Variants in XIRP2 observed in about 807,000 individuals in gnomAD.
The protein encoded by XIRP2 is xin actin binding repeat containing 2.
Under a neutral mutation model 277.0 loss-of-function variants are expected in XIRP2, and 236 were observed. The observed-to-expected ratio is 0.85, with a 90% CI of 0.77 to 0.95. The LOEUF (loss-of-function observed/expected upper bound fraction) is 0.95, where lower values mean the gene tolerates loss of function less well. XIRP2 is among the 40% of genes least tolerant of loss of function. The pLI, the probability that XIRP2 is intolerant of heterozygous loss-of-function variation, is 0.00. For missense variants in XIRP2, 4,640 were observed against 4,157.5 expected (o/e 1.12, Z -3.19); for synonymous variants, 1,490 against 1,416.5 (o/e 1.05, Z -1.17).
chr2:166,927,577 A>T (rs987164471), intron 2 of XIRP2, among the ~76,000 whole-genome samples: 2 of 152,144 alleles, frequency 1.3e-5, no homozygotes, highest in East Asian at 1.9e-4. Flanking sequence ...CTCACATAAC[A>T]TGACTCTGAC....
intron 2 of XIRP2, among the ~76,000 whole-genome samples, chr2:167,091,174 T>A (rs1690137063): frequency 6.6e-6 from 1 of 152,124 alleles, no homozygotes. Flanking sequence ...TGTTCCCAAG[T>A]GTCATCTTCC....
rs10193637 is a variant in XIRP2 at position 167,096,158 on chromosome 2, G to A, written c.409-39751G>A. Among the ~76,000 whole-genome samples, 150 of 151,834 alleles carry A rather than the reference G, an allele frequency of 9.9e-4. 1 individual carries two copies. Among genetic ancestry groups the A allele is most frequent in the African/African-American group, 3.4e-3 (139 of 41,436 alleles). On this transcript the variant is annotated intron_variant, in intron 2 of 10. Coordinates refer to ENST00000409195, the MANE Select transcript of XIRP2 (RefSeq NM_152381.6). ...CTCTTTGTACCTCTGGTATAATTTC[G>A]CTGTGAATCTATCTAGTCCTGGGCT...
In XIRP2 at chr2:166,977,452, A is replaced by G. The variant is rs186832652; in HGVS notation, c.408+73562A>G. On this transcript the variant is annotated intron_variant, in intron 2 of 10. Transcript: ENST00000409195. ...ATCATCAATAAAAAATTTGGAAGAT[A>G]TTTATAGTGAACCATTAAATATCCA... is the stretch of plus-strand genomic sequence containing the variant. Among the ~76,000 whole-genome samples, 18 of 152,286 alleles carry G rather than the reference A, an allele frequency of 1.2e-4. No individual in the cohort carries two copies. In the East Asian group the frequency reaches 3.3e-3, roughly 28 times the overall value.
At chr2:166,983,096 T>C (rs1679025707) in intron 2 of XIRP2, among the ~76,000 whole-genome samples, 1 of 152,194 alleles carries the variant, frequency 6.6e-6, no homozygotes, top group Non-Finnish European at 1.5e-5. Flanking sequence ...CTATGTTTTT[T>C]ATCTGGGGGA....
intron 2 of XIRP2, among the ~76,000 whole-genome samples, chr2:167,035,202 C>T (rs1435238216): frequency 6.6e-6 from 1 of 152,088 alleles, no homozygotes; most frequent in Non-Finnish European, 1.5e-5. Context: ...GGGGTGCTTG[C>T]TGTAGATGCC....
intron 4 of XIRP2, among the ~76,000 whole-genome samples, chr2:167,216,181 AG>A (rs1292457296): frequency 1.1e-5 from 1 of 90,224 alleles, no homozygotes; most frequent in East Asian, 3.0e-4. Context: ...TAAAAACCCT[AG>A]AAGAAAACCT....
At position 166,917,216 on chromosome 2, in the gene XIRP2, C is replaced by T. The variant is rs75082266; in HGVS notation, c.408+13326C>T. ...CTGCAGAGGTCCCACTGAGAAGAGC[C>T]CTCACTGAGTAATCTTTTAACATAA... On this transcript the variant is annotated intron_variant, in intron 2 of 10. Transcript: ENST00000409195. Among the ~76,000 whole-genome samples the T allele has an allele frequency of 1.3e-3, 200 of 152,222 alleles. 4 individuals carry two copies. Among genetic ancestry groups the T allele is most frequent in the African/African-American group, 4.6e-3 (192 of 41,530 alleles).
rs78016084 is a variant in XIRP2 at position 167,018,361 on chromosome 2, T to C, written c.408+114471T>C. On this transcript the variant is annotated intron_variant, in intron 2 of 10. Transcript: ENST00000409195. ...TTAATACTATTTGTGTTAGTTCAGGTTCTTGAGAAGCAGACATCAAAACAG... is the reference window on the plus strand; with the variant it reads ...TTAATACTATTTGTGTTAGTTCAGGCTCTTGAGAAGCAGACATCAAAACAG... 3.7e-4 allele frequency among the ~76,000 whole-genome samples: 57 copies of C among 152,054 alleles called. 1 individual carries two copies. The East Asian group carries it at 0.011, about 30-fold the overall frequency.
At chr2:167,160,082 A>G (rs1039284499) in intron 3 of XIRP2, among the ~76,000 whole-genome samples, 1 of 152,190 alleles carries the variant, frequency 6.6e-6, no homozygotes, top group African/African-American at 2.4e-5. Flanking sequence ...CAAAAAAAAT[A>G]AGATATTGAA....
At position 167,247,290 on chromosome 2, in the gene XIRP2, G is replaced by A. The variant is rs142867311; in HGVS notation, c.5898G>A (p.Gln1966=). Residue 1966 remains glutamine, a synonymous_variant, in exon 9 of 11, where the codon CAG becomes CAA. Coordinates refer to ENST00000409195, the MANE Select transcript of XIRP2 (RefSeq NM_152381.6). The stretch of plus-strand genomic sequence containing the variant: ...GAGAGCAGAAAACAGATATTCATCA[G>A]GTTGCTGTCCAGAGGAACAAAAATA... ...SSGEQKTDIH[Q]VAVQRNKNSL... 84 of 1,613,740 alleles carry A rather than the reference G, an allele frequency of 5.2e-5. No homozygotes were observed. In the Admixed American group the frequency reaches 1.4e-3, roughly 26 times the overall value.
intron 2 of XIRP2, among the ~76,000 whole-genome samples, chr2:166,932,237 G>A (rs1309678059): frequency 6.9e-6 from 1 of 145,480 alleles, no homozygotes; most frequent in African/African-American, 2.6e-5. Context: ...TTTTAATTGA[G>A]ACAGTGTCTT....
chr2:167,047,602 A>C (rs765506062), intron 2 of XIRP2, among the ~76,000 whole-genome samples: 2 of 152,006 alleles, frequency 1.3e-5, no homozygotes, highest in Admixed American at 6.6e-5. Flanking sequence ...TAAGTAACGA[A>C]ACTTTTTTTA....
intron 2 of XIRP2, among the ~76,000 whole-genome samples, chr2:167,104,070 A>G: frequency 6.6e-6 from 1 of 152,126 alleles, no homozygotes; most frequent in East Asian, 1.9e-4. Flanking sequence ...GAGAACAAAA[A>G]CTAAGCTCTA....
chr2:166,890,927 G>C (rs1384891521), intron 1 of XIRP2, among the ~76,000 whole-genome samples: 3 of 152,146 alleles, frequency 2.0e-5, no homozygotes, highest in Non-Finnish European at 4.4e-5. Flanking sequence ...AAACTTGTAA[G>C]CTGAGTACCT....
chr2:167,106,855 G>C (rs978213172), intron 2 of XIRP2, among the ~76,000 whole-genome samples: 1 of 151,072 alleles, frequency 6.6e-6, no homozygotes, highest in Admixed American at 6.6e-5. Context: ...ATTAATCAGC[G>C]TTCTGTAGTT....
At chr2:167,138,962 G>C (rs1441962790) in intron 3 of XIRP2, among the ~76,000 whole-genome samples, 1 of 152,076 alleles carries the variant, frequency 6.6e-6, no homozygotes, top group African/African-American at 2.4e-5. Context: ...AGCTACTCGG[G>C]AGGCTGAGGC....
intron 2 of XIRP2, among the ~76,000 whole-genome samples, chr2:167,029,595 G>A (rs1022036254): frequency 6.6e-6 from 1 of 152,028 alleles, no homozygotes; most frequent in Non-Finnish European, 1.5e-5. Flanking sequence ...GTGTGCTGCT[G>A]GAATCAGTTT....
intron 2 of XIRP2, among the ~76,000 whole-genome samples, chr2:166,965,002 A>G (rs1363338448): frequency 1.3e-5 from 2 of 151,856 alleles, no homozygotes; most frequent in Non-Finnish European, 2.9e-5. Flanking sequence ...TGTCAGAGGC[A>G]TAAGCACTTT....
intron 2 of XIRP2, among the ~76,000 whole-genome samples, chr2:166,956,517 A>T (rs970447110): frequency 4.6e-5 from 7 of 151,822 alleles, no homozygotes; most frequent in Non-Finnish European, 7.4e-5. Flanking sequence ...GTAAATTCTT[A>T]TATTGGTTGT....
Sources: gnomAD v4.1 joint callset for allele counts (sites outside exome capture counted in the v4.1 genomes callset) on GRCh38, gnomAD v4.1.1 for gene constraint, MANE v1.5 for transcripts, NCBI Gene and HGNC (gene_info 2026-07-23, HGNC 2026-07-21) for gene names.